Variants in GALNT13 observed in about 807,000 individuals in gnomAD.
GALNT13 encodes the protein UDP-GalNAc:polypeptide N-acetylgalactosaminyltransferase 13.
A neutral mutation model predicts 64.2 loss-of-function variants in GALNT13; 28 were observed. The observed-to-expected ratio is 0.44, with a 90% CI of 0.32 to 0.60. GALNT13 has a LOEUF of 0.60. GALNT13 is among the 20% of genes least tolerant of loss of function. The pLI is 0.05. For missense variants in GALNT13, 577 were observed against 669.8 expected (o/e 0.86, Z 1.53); for synonymous variants, 214 against 224.6 (o/e 0.95, Z 0.42).
chr2:153,603,486 A>G, the GALNT13 span, among the ~76,000 whole-genome samples: 1 of 151,978 alleles, frequency 6.6e-6, no homozygotes, highest in Non-Finnish European at 1.5e-5. Context: ...ACAAACAGTA[A>G]TTTGACTCAA....
intron 3 of GALNT13, among the ~76,000 whole-genome samples, chr2:154,017,660 G>A (rs1024038285): frequency 2.6e-5 from 4 of 152,148 alleles, no homozygotes; most frequent in Admixed American, 2.0e-4. Flanking sequence ...TGACTATAAA[G>A]TTATTCGTAT....
chr2:153,831,481 T>C, the GALNT13 span, among the ~76,000 whole-genome samples: 1 of 152,136 alleles, frequency 6.6e-6, no homozygotes, highest in African/African-American at 2.4e-5. Context: ...TTCCCTTTGG[T>C]AGCAGCAATT....
chr2:153,390,298 C>G, the GALNT13 span, among the ~76,000 whole-genome samples: 3 of 152,066 alleles, frequency 2.0e-5, no homozygotes, highest in Non-Finnish European at 4.4e-5. Flanking sequence ...ACATCACACA[C>G]CAGGGCCTGT....
the GALNT13 span, among the ~76,000 whole-genome samples, chr2:153,500,038 C>A: frequency 6.6e-6 from 1 of 152,188 alleles, no homozygotes; most frequent in Non-Finnish European, 1.5e-5. Flanking sequence ...CAGCTGGCAT[C>A]CCCACAGGTG....
chr2:154,279,927 A>G (rs920062684), intron 8 of GALNT13, among the ~76,000 whole-genome samples: 4 of 152,242 alleles, frequency 2.6e-5, no homozygotes, highest in African/African-American at 9.6e-5. Flanking sequence ...GTTCTTGCCA[A>G]ACTCTATATA....
chr2:153,302,813 T>C, the GALNT13 span, among the ~76,000 whole-genome samples: 3 of 152,180 alleles, frequency 2.0e-5, no homozygotes, highest in Admixed American at 6.6e-5. Context: ...CTTTCCTAAA[T>C]GTGTGTTCTT....
chr2:153,642,239 A>G, the GALNT13 span, among the ~76,000 whole-genome samples: 1 of 151,920 alleles, frequency 6.6e-6, no homozygotes, highest in Non-Finnish European at 1.5e-5. Flanking sequence ...TTAATTCTTA[A>G]TAAGTATTTA....
At chr2:153,089,978 T>C in the GALNT13 span, among the ~76,000 whole-genome samples, 6 of 152,156 alleles carry the variant, frequency 3.9e-5, no homozygotes, top group African/African-American at 1.4e-4. Context: ...TCTGGGGAGC[T>C]GGTATGATCT....
chr2:154,241,227 G>T (rs547210677), intron 4 of GALNT13, among the ~76,000 whole-genome samples: 1 of 152,270 alleles, frequency 6.6e-6, no homozygotes, highest in East Asian at 1.9e-4. Context: ...AGGCCAGGGC[G>T]GTCTTGGGAA....
chr2:153,740,240 A>T, the GALNT13 span, among the ~76,000 whole-genome samples: 1 of 151,954 alleles, frequency 6.6e-6, no homozygotes, highest in African/African-American at 2.4e-5. Flanking sequence ...ATGTGGTTTG[A>T]TATTGATGAC....
chr2:153,509,327 C>T, the GALNT13 span, among the ~76,000 whole-genome samples: 2 of 152,198 alleles, frequency 1.3e-5, no homozygotes, highest in Non-Finnish European at 2.9e-5. Flanking sequence ...GCGGGGCTTC[C>T]ACCTGTTTCT....
chr2:153,637,262 C>T, the GALNT13 span, among the ~76,000 whole-genome samples: 1,106 of 152,150 alleles, frequency 7.3e-3, 16 homozygotes, highest in African/African-American at 0.026. Context: ...CACATTGCCT[C>T]ATTTCAATTG....
chr2:154,425,198 T>C (rs1035540970), intron 11 of GALNT13, among the ~76,000 whole-genome samples: 68 of 152,198 alleles, frequency 4.5e-4, no homozygotes, highest in Non-Finnish European at 1.5e-5. Flanking sequence ...ACCAGAGTTT[T>C]AGGAAGTGTC....
At chr2:154,255,446 C>T (rs938149752) in intron 7 of GALNT13, among the ~76,000 whole-genome samples, 2 of 152,096 alleles carry the variant, frequency 1.3e-5, no homozygotes, top group Non-Finnish European at 2.9e-5. Context: ...GAACTTAATT[C>T]AGCAGGCTTG....
At chr2:154,057,515 C>T (rs1197563286) in intron 3 of GALNT13, among the ~76,000 whole-genome samples, 2 of 152,028 alleles carry the variant, frequency 1.3e-5, no homozygotes, top group South Asian at 2.1e-4. Context: ...ATATAATAGC[C>T]GTTGCCCTGG....
At chr2:153,829,424 C>A in the GALNT13 span, among the ~76,000 whole-genome samples, 1 of 151,796 alleles carries the variant, frequency 6.6e-6, no homozygotes, top group South Asian at 2.1e-4. Context: ...TGGCAGCAGG[C>A]AAAGAGAGAG....
chr2:154,006,806 A>T (rs970264772), intron 3 of GALNT13, among the ~76,000 whole-genome samples: 18 of 152,186 alleles, frequency 1.2e-4, no homozygotes, highest in Admixed American at 9.2e-4. Context: ...GTAGGAGCTT[A>T]ACTACCCAAG....
the GALNT13 span, among the ~76,000 whole-genome samples, chr2:153,093,321 C>G: frequency 1.3e-5 from 2 of 149,838 alleles, no homozygotes; most frequent in Admixed American, 6.8e-5. Flanking sequence ...TCACTGCAAC[C>G]TCCACCTGCT....
the GALNT13 span, among the ~76,000 whole-genome samples, chr2:153,361,436 G>A: frequency 6.6e-6 from 1 of 151,968 alleles, no homozygotes; most frequent in African/African-American, 2.4e-5. Flanking sequence ...AGCTAAAGGA[G>A]CATGGTCTAA....
Sources: allele counts gnomAD v4.1 joint callset (sites outside exome capture counted in the v4.1 genomes callset), GRCh38; gene constraint gnomAD v4.1.1; transcripts MANE v1.5; gene names NCBI Gene and HGNC (gene_info 2026-07-23, HGNC 2026-07-21).